CTNNA2: variants seen among roughly 807,000 people sequenced by gnomAD.
CTNNA2 encodes catenin alpha-2.
CTNNA2 carries 42 observed loss-of-function variants against 101.0 expected under a neutral mutation model. The observed-to-expected ratio is 0.42, with a 90% CI of 0.32 to 0.54. The LOEUF (loss-of-function observed/expected upper bound fraction) is 0.54. CTNNA2 is among the 20% of genes least tolerant of loss of function. CTNNA2 has a pLI of 0.14. For missense variants in CTNNA2, 871 were observed against 1,223.1 expected (o/e 0.71, Z 4.29); for synonymous variants, 450 against 456.4 (o/e 0.99, Z 0.18).
intron 7 of CTNNA2, among the ~76,000 whole-genome samples, chr2:80,026,755 G>A (rs1408908534): frequency 6.6e-6 from 1 of 152,146 alleles, no homozygotes; most frequent in Admixed American, 6.5e-5. Context: ...AAGGTATGAA[G>A]TGTAGCTGAA....
intron 9 of CTNNA2, among the ~76,000 whole-genome samples, chr2:80,430,661 G>T (rs1376007271): frequency 2.0e-5 from 3 of 152,178 alleles, no homozygotes; most frequent in African/African-American, 7.2e-5. Context: ...TGGTGTGATG[G>T]ATTAGAAAGA....
At chr2:79,770,709 ATG>A (rs1673510592) in intron 3 of CTNNA2, among the ~76,000 whole-genome samples, 1 of 152,202 alleles carries the variant, frequency 6.6e-6, no homozygotes. Flanking sequence ...AGAGATATAT[ATG>A]TTCTTTTTAA....
At chr2:80,517,248 T>C (rs1689179759) in intron 9 of CTNNA2, among the ~76,000 whole-genome samples, 1 of 152,198 alleles carries the variant, frequency 6.6e-6, no homozygotes, top group African/African-American at 2.4e-5. Flanking sequence ...ATCAAATTAA[T>C]TTTTGGCTGT....
At chr2:80,511,105 T>A (rs1029295939) in intron 9 of CTNNA2, among the ~76,000 whole-genome samples, 2 of 152,202 alleles carry the variant, frequency 1.3e-5, no homozygotes, top group African/African-American at 4.8e-5. Flanking sequence ...GGGTATCCAG[T>A]CATTCTCTGG....
intron 7 of CTNNA2, among the ~76,000 whole-genome samples, chr2:80,357,100 A>G (rs956603737): frequency 3.3e-5 from 5 of 152,142 alleles, no homozygotes; most frequent in Non-Finnish European, 5.9e-5. Context: ...TATAGCAAAG[A>G]AAAAGGTCAG....
intron 1 of CTNNA2, among the ~76,000 whole-genome samples, chr2:79,541,952 G>A (rs925227658): frequency 6.6e-6 from 1 of 152,048 alleles, no homozygotes; most frequent in Non-Finnish European, 1.5e-5. Flanking sequence ...TATGGAATGT[G>A]TGACATGGTG....
intron 2 of CTNNA2, among the ~76,000 whole-genome samples, chr2:79,289,618 G>A (rs924615189): frequency 2.0e-5 from 3 of 152,170 alleles, no homozygotes; most frequent in South Asian, 4.1e-4. Context: ...AGTGATGTGC[G>A]CCTGTAATCC....
intron 18 of CTNNA2, among the ~76,000 whole-genome samples, chr2:80,632,618 C>G (rs1427633684): frequency 1.3e-5 from 2 of 152,074 alleles, no homozygotes; most frequent in African/African-American, 4.8e-5. Context: ...AAGAAAACTT[C>G]TTTTAGAAGT....
chr2:80,627,658 G>A (rs1671822494), intron 18 of CTNNA2, among the ~76,000 whole-genome samples: 1 of 152,068 alleles, frequency 6.6e-6, no homozygotes, highest in South Asian at 2.1e-4. Context: ...TTTGTAGGTT[G>A]CATGTTCACT....
At chr2:80,383,560 A>T (rs1272394014) in intron 7 of CTNNA2, among the ~76,000 whole-genome samples, 1 of 152,194 alleles carries the variant, frequency 6.6e-6, no homozygotes, top group Admixed American at 6.5e-5. Context: ...ATGTGGTCAG[A>T]GGTGGGAGAT....
chr2:80,364,624 A>C (rs1038859762), intron 7 of CTNNA2, among the ~76,000 whole-genome samples: 2 of 132,284 alleles, frequency 1.5e-5, no homozygotes, highest in Non-Finnish European at 3.2e-5. Context: ...TACTTGATTT[A>C]AGTACTTTGT....
At chr2:79,328,955 C>G (rs1223415405) in intron 3 of CTNNA2, among the ~76,000 whole-genome samples, 1 of 152,142 alleles carries the variant, frequency 6.6e-6, no homozygotes, top group Admixed American at 6.6e-5. Context: ...TTAATCTCTG[C>G]CTCTGTCTTC....
At chr2:80,476,208 A>G (rs962145656) in intron 9 of CTNNA2, among the ~76,000 whole-genome samples, 1 of 152,186 alleles carries the variant, frequency 6.6e-6, no homozygotes, top group African/African-American at 2.4e-5. Flanking sequence ...ACAAATGTGT[A>G]GAGATATCTG....
chr2:80,349,257 A>G (rs1404116586), intron 7 of CTNNA2, among the ~76,000 whole-genome samples: 1 of 152,088 alleles, frequency 6.6e-6, no homozygotes, highest in East Asian at 1.9e-4. Context: ...GAATTTCTGT[A>G]TATCTGAGAA....
intron 17 of CTNNA2, among the ~76,000 whole-genome samples, chr2:80,613,257 G>T (rs956652812): frequency 6.6e-6 from 1 of 151,310 alleles, no homozygotes; most frequent in Non-Finnish European, 1.5e-5. Context: ...ATTCATACCA[G>T]TATGAATGGT....
intron 7 of CTNNA2, among the ~76,000 whole-genome samples, chr2:80,309,788 G>C (rs959296957): frequency 1.3e-5 from 2 of 151,464 alleles, no homozygotes; most frequent in Admixed American, 6.6e-5. Flanking sequence ...TCCTTCTCCC[G>C]GGTTCAAGTG....
intron 3 of CTNNA2, among the ~76,000 whole-genome samples, chr2:79,799,275 A>T (rs1573997872): frequency 6.6e-6 from 1 of 151,354 alleles, no homozygotes; most frequent in East Asian, 1.9e-4. Flanking sequence ...ATGTATCTAG[A>T]TATGTATCGA....
chr2:79,187,265 C>CTTTTT (rs1156460356), intron 1 of CTNNA2, among the ~76,000 whole-genome samples: 43 of 83,388 alleles, frequency 5.2e-4, no homozygotes, highest in African/African-American at 2.1e-3. Context: ...CTTTTCTTTT[C>CTTTTT]TTTTCTTTTT....
At chr2:79,628,405 G>A (rs1679461770) in intron 1 of CTNNA2, among the ~76,000 whole-genome samples, 1 of 151,214 alleles carries the variant, frequency 6.6e-6, no homozygotes. Flanking sequence ...GTGAACCGAG[G>A]TAGAGCCACT....
Sources: gnomAD v4.1 joint callset for allele counts (sites outside exome capture counted in the v4.1 genomes callset) on GRCh38, gnomAD v4.1.1 for gene constraint, MANE v1.5 for transcripts, NCBI Gene and HGNC (gene_info 2026-07-23, HGNC 2026-07-21) for gene names.